The following KIAA1217 variants were observed in gnomAD, a reference collection of about 807,000 sequenced individuals.
KIAA1217 encodes the protein sickle tail protein homolog.
A neutral mutation model predicts 163.9 loss-of-function variants in KIAA1217; 88 were observed. The observed-to-expected ratio is 0.54, with a 90% CI of 0.45 to 0.64. The LOEUF is 0.64. Among genes scored for constraint, KIAA1217 ranks in the 30% least tolerant of loss-of-function variants. The pLI is 0.00. For synonymous variants in KIAA1217, 903 were observed against 923.1 expected (o/e 0.98, Z 0.39); for missense variants, 2,372 against 2,475.0 (o/e 0.96, Z 0.88).
At chr10:24,292,883 G>A (rs1214887096) in intron 2 of KIAA1217, among the ~76,000 whole-genome samples, 1 of 152,042 alleles carries the variant, frequency 6.6e-6, no homozygotes, top group Non-Finnish European at 1.5e-5. Context: ...AAAAAAAGAA[G>A]AAAGGTGGCC....
intron 2 of KIAA1217, among the ~76,000 whole-genome samples, chr10:24,351,106 C>G (rs1439236574): frequency 6.6e-6 from 1 of 152,054 alleles, no homozygotes; most frequent in Non-Finnish European, 1.5e-5. Context: ...CGACCATACG[C>G]AGAGCTAATT....
intron 1 of KIAA1217, among the ~76,000 whole-genome samples, chr10:23,737,254 C>T (rs78228973): frequency 0.024 from 3,667 of 152,222 alleles, 164 homozygotes; most frequent in African/African-American, 0.083. Flanking sequence ...GGCTGGAGCA[C>T]AGTGCATGAT....
intron 2 of KIAA1217, among the ~76,000 whole-genome samples, chr10:24,078,557 ATC>A: frequency 6.6e-6 from 1 of 152,268 alleles, no homozygotes; most frequent in African/African-American, 2.4e-5. Context: ...TTGGGCCCTA[ATC>A]TTGGCATTCT....
chr10:24,530,025 G>T (rs1207522463), intron 14 of KIAA1217, among the ~76,000 whole-genome samples: 1 of 151,968 alleles, frequency 6.6e-6, no homozygotes, highest in Non-Finnish European at 1.5e-5. Context: ...TCGAACTCCT[G>T]ACCTCAGGTG....
chr10:24,180,211 T>G (rs912060716), intron 2 of KIAA1217, among the ~76,000 whole-genome samples: 13 of 151,850 alleles, frequency 8.6e-5, no homozygotes, highest in Non-Finnish European at 1.9e-4. Context: ...TCACCTTCAT[T>G]AACTTTGAGG....
intron 1 of KIAA1217, among the ~76,000 whole-genome samples, chr10:23,699,806 A>G (rs1028822915): frequency 6.6e-6 from 1 of 152,048 alleles, no homozygotes; most frequent in South Asian, 2.1e-4. Context: ...TTCTTTATTA[A>G]TAATTTTTTA....
At position 23,819,555 on chromosome 10, in the gene KIAA1217, C is replaced by T. The variant is rs1224870946; in HGVS notation, c.-321+124321C>T. On this transcript the variant is annotated intron_variant, in intron 1 of 18. Transcript: ENST00000376462. ...GTAATTCTCATTAACTTGGAGATCACCAGATACATTCAGCTGAATGCAAAC... is the reference window on the plus strand; with the variant it reads ...GTAATTCTCATTAACTTGGAGATCATCAGATACATTCAGCTGAATGCAAAC... Among the ~76,000 whole-genome samples, 4 of 152,130 alleles carry T rather than the reference C, an allele frequency of 2.6e-5. No individual in the cohort carries two copies. The East Asian group carries it at 7.7e-4, about 29-fold the overall frequency.
intron 2 of KIAA1217, among the ~76,000 whole-genome samples, chr10:24,298,067 A>G (rs1318486144): frequency 6.6e-6 from 1 of 152,206 alleles, no homozygotes; most frequent in Non-Finnish European, 1.5e-5. Context: ...TTATATAAAC[A>G]AAAATTAAAT....
chr10:24,177,981 T>C (rs2065990064), intron 2 of KIAA1217, among the ~76,000 whole-genome samples: 1 of 152,202 alleles, frequency 6.6e-6, no homozygotes, highest in African/African-American at 2.4e-5. Flanking sequence ...GTCTGGTGCT[T>C]TTCCTAAATA....
At chr10:23,927,266 A>T (rs564680906) in intron 1 of KIAA1217, among the ~76,000 whole-genome samples, 1 of 150,994 alleles carries the variant, frequency 6.6e-6, no homozygotes, top group African/African-American at 2.4e-5. Context: ...ACTATAAGTT[A>T]TTTCTGTTCC....
intron 2 of KIAA1217, among the ~76,000 whole-genome samples, chr10:24,302,629 A>G (rs1264777648): frequency 1.3e-5 from 2 of 152,208 alleles, no homozygotes; most frequent in Non-Finnish European, 2.9e-5. Context: ...AGGATTTCAG[A>G]GAAAACAGGC....
At chr10:24,424,788 A>G (rs2059045945) in intron 3 of KIAA1217, among the ~76,000 whole-genome samples, 1 of 152,120 alleles carries the variant, frequency 6.6e-6, no homozygotes, top group Non-Finnish European at 1.5e-5. Flanking sequence ...TTTTTAGTAG[A>G]GACGGGGTTT....
chr10:24,273,744 C>T (rs577468452), intron 2 of KIAA1217, among the ~76,000 whole-genome samples: 21 of 150,966 alleles, frequency 1.4e-4, no homozygotes, highest in East Asian at 5.9e-4. Context: ...CACAGCTACT[C>T]GGGAGGCTTG....
intron 2 of KIAA1217, among the ~76,000 whole-genome samples, chr10:24,009,950 C>G (rs1236049135): frequency 6.6e-6 from 1 of 152,052 alleles, no homozygotes; most frequent in Non-Finnish European, 1.5e-5. Flanking sequence ...TGTCCATAGG[C>G]AGTCAGAATT....
intron 1 of KIAA1217, among the ~76,000 whole-genome samples, chr10:23,815,419 C>T (rs1402084326): frequency 2.6e-5 from 4 of 152,078 alleles, no homozygotes; most frequent in East Asian, 3.9e-4. Context: ...CCGAGGTGGG[C>T]GGATCACAAA....
At chr10:23,794,363 C>T (rs1028460415) in intron 1 of KIAA1217, among the ~76,000 whole-genome samples, 1 of 152,112 alleles carries the variant, frequency 6.6e-6, no homozygotes, top group Non-Finnish European at 1.5e-5. Context: ...TAAGTTGATT[C>T]GTAAGGAAAC....
At chr10:24,395,703 T>A (rs1281461410) in intron 3 of KIAA1217, among the ~76,000 whole-genome samples, 3 of 152,160 alleles carry the variant, frequency 2.0e-5, no homozygotes, top group Non-Finnish European at 4.4e-5. Flanking sequence ...GACAGAGTCC[T>A]GCTCTGTCAC....
intron 2 of KIAA1217, among the ~76,000 whole-genome samples, chr10:24,039,661 G>C (rs1848543034): frequency 6.6e-6 from 1 of 152,092 alleles, no homozygotes; most frequent in Non-Finnish European, 1.5e-5. Context: ...TCAACTTTCA[G>C]TGGATTTATC....
At position 24,543,867 on chromosome 10, in the gene KIAA1217, C is replaced by T. The variant is rs754028708; in HGVS notation, c.4597C>T (p.Pro1533Ser). ...CTCCCTGGCCACAGAGACCAGAAAC[C>T]CAGGAGGACAGGAAATGAACAGAAC... is the stretch of plus-strand genomic sequence containing the variant. Reference protein sequence around the residue: ...PHSLATETRNPGGQEMNRTEL... With the variant: ...PHSLATETRNSGGQEMNRTEL... The change falls in exon 19 of 21, where the codon CCA (proline) becomes TCA (serine). Residue 1533 changes from proline to serine, a missense_variant. By Grantham distance (74) the Pro-to-Ser change is moderately conservative. Coordinates refer to ENST00000376454, the MANE Select transcript of KIAA1217 (RefSeq NM_019590.5). The T allele has an allele frequency of 1.2e-6, 2 of 1,613,946 alleles. No individual in the cohort carries two copies. Among genetic ancestry groups the T allele is most frequent in the East Asian group, 4.5e-5 (2 of 44,866 alleles).
Sources: gnomAD v4.1 joint callset for allele counts (sites outside exome capture counted in the v4.1 genomes callset) on GRCh38, gnomAD v4.1.1 for gene constraint, MANE v1.5 for transcripts, NCBI Gene and HGNC (gene_info 2026-07-23, HGNC 2026-07-21) for gene names.